Variants in NTNG2 observed in about 807,000 individuals in gnomAD.
The protein encoded by NTNG2 is netrin-G2.
A neutral mutation model predicts 47.6 loss-of-function variants in NTNG2; 15 were observed. That is an observed-to-expected ratio of 0.32 (90% CI 0.21 to 0.49). NTNG2 has a LOEUF of 0.49. NTNG2 is among the 20% of genes least tolerant of loss of function. The pLI, the probability that NTNG2 is intolerant of heterozygous loss-of-function variation, is 0.99. For synonymous variants in NTNG2, 307 were observed against 324.6 expected (o/e 0.95, Z 0.58); for missense variants, 578 against 764.6 (o/e 0.76, Z 2.88).
At chr9:132,207,683 A>G (rs571256269) in intron 3 of NTNG2, among the ~76,000 whole-genome samples, 1 of 152,292 alleles carries the variant, frequency 6.6e-6, no homozygotes, top group South Asian at 2.1e-4. Context: ...GCAGGCACCT[A>G]TGACATGCTG....
intron 2 of NTNG2, among the ~76,000 whole-genome samples, chr9:132,174,660 G>A (rs1836273321): frequency 6.6e-6 from 1 of 152,216 alleles, no homozygotes; most frequent in African/African-American, 2.4e-5. Context: ...GGTGGCTCAA[G>A]CCTGTAATCC....
At chr9:132,240,390 G>T (rs1377918376) in intron 6 of NTNG2, among the ~76,000 whole-genome samples, 3 of 152,196 alleles carry the variant, frequency 2.0e-5, no homozygotes, top group South Asian at 2.1e-4. Context: ...GAGCTGCAAG[G>T]TTTCTCAGGG....
intron 2 of NTNG2, among the ~76,000 whole-genome samples, chr9:132,188,168 G>C (rs561851096): frequency 6.6e-6 from 1 of 152,328 alleles, no homozygotes; most frequent in African/African-American, 2.4e-5. Flanking sequence ...CCCCGTGCTC[G>C]AGTCCTGGCC....
rs1045478949 is a variant in NTNG2, at chr9:132,226,425, A to G, written c.858-424A>G. Among the ~76,000 whole-genome samples, 2 of 152,314 alleles carry G rather than the reference A, an allele frequency of 1.3e-5. No individual in the cohort carries two copies. The highest frequency in any genetic ancestry group is 4.8e-5 in the African/African-American group (2 of 41,564). ...GGTGCCTTTCTACACAATGAAGTGCAGCCCATGGCCAAGTCTCTGTCTACA... is the reference window on the plus strand; with the variant it reads ...GGTGCCTTTCTACACAATGAAGTGCGGCCCATGGCCAAGTCTCTGTCTACA... On this transcript the variant is annotated intron_variant, in intron 3 of 7. Coordinates refer to ENST00000393229, the MANE Select transcript of NTNG2 (RefSeq NM_032536.4). The surrounding 1 kb of genome is among the most constrained non-coding windows in gnomAD (Gnocchi z 4.8).
At chr9:132,209,875 G>T (rs1449521451) in intron 3 of NTNG2, among the ~76,000 whole-genome samples, 1 of 150,940 alleles carries the variant, frequency 6.6e-6, no homozygotes, top group African/African-American at 2.4e-5. Flanking sequence ...CGTTGGCGTT[G>T]GGATGGGAAG....
intron 3 of NTNG2, among the ~76,000 whole-genome samples, chr9:132,219,542 C>T (rs1476573070): frequency 6.9e-6 from 1 of 144,796 alleles, no homozygotes. Context: ...CACTGTACTC[C>T]AGCCTGGGTG....
In NTNG2 at chr9:132,182,031, C is replaced by G. The variant is rs1356608007; in HGVS notation, c.213+14987C>G. Among the ~76,000 whole-genome samples the G allele has an allele frequency of 6.6e-6, 1 of 152,270 alleles. No individual in the cohort carries two copies. Among genetic ancestry groups the G allele is most frequent in the Non-Finnish European group, 1.5e-5 (1 of 68,052 alleles). ...ACTGTCCCTGTCAGCCTCTCCTCCCCCAGCACACCCCGGCAGCCCAGAGAA... is the reference window on the plus strand; with the variant it reads ...ACTGTCCCTGTCAGCCTCTCCTCCCGCAGCACACCCCGGCAGCCCAGAGAA... On this transcript the variant is annotated intron_variant, in intron 2 of 7. Coordinates refer to ENST00000393229, the MANE Select transcript of NTNG2 (RefSeq NM_032536.4). This position sits in a 1 kb window ranked among gnomAD's most constrained non-coding sequence, Gnocchi z 4.2.
chr9:132,201,550 G>A (rs1031320556), intron 3 of NTNG2, among the ~76,000 whole-genome samples: 2 of 152,124 alleles, frequency 1.3e-5, no homozygotes, highest in Admixed American at 6.5e-5. Context: ...TGTGGGACCC[G>A]AAGTTCCTGA....
At position 132,221,418 on chromosome 9, in the gene NTNG2, C is replaced by T. The variant is rs746205605; in HGVS notation, c.858-5431C>T. ...TACACAAACACCATGTCCACACACA[C>T]CGACACAGAGGCAGTACCACCCACA... On this transcript the variant is annotated intron_variant, in intron 3 of 7. Transcript: ENST00000393229. This position sits in a 1 kb window ranked among gnomAD's most constrained non-coding sequence, Gnocchi z 4.2. 2.0e-5 allele frequency among the ~76,000 whole-genome samples: 3 copies of T among 152,182 alleles called. No individual in the cohort carries two copies. The highest frequency in any genetic ancestry group is 4.4e-5 in the Non-Finnish European group (3 of 68,030).
chr9:132,173,856 TGGACAGAC>T (rs1207115464), intron 2 of NTNG2, among the ~76,000 whole-genome samples: 1 of 93,738 alleles, frequency 1.1e-5, no homozygotes, highest in Non-Finnish European at 2.1e-5. Flanking sequence ...GATGGATGGA[TGGACAGAC>T]GGACAGACAG....
rs1262331207 is a variant in NTNG2 at position 132,163,900 on chromosome 9, T to C, written c.-484+1661T>C. Among the ~76,000 whole-genome samples the C allele has an allele frequency of 1.3e-5, 2 of 152,206 alleles. No individual in the cohort carries two copies. Among genetic ancestry groups the C allele is most frequent in the Non-Finnish European group, 2.9e-5 (2 of 68,030 alleles). ...GACTCTTAAAAGAAAATAAAGCACA[T>C]TGATTCTATTTGTTTCTGGGAGCTG... is the stretch of plus-strand genomic sequence containing the variant. On this transcript the variant is annotated intron_variant, in intron 1 of 7. Coordinates refer to ENST00000393229, the MANE Select transcript of NTNG2 (RefSeq NM_032536.4). This position sits in a 1 kb window ranked among gnomAD's most constrained non-coding sequence, Gnocchi z 7.2.
Position 132,243,377 on chromosome 9 carries a change from C to T in NTNG2, c.*1266C>T, listed in dbSNP as rs868376191. 6.6e-6 allele frequency: 1 copy of T among 152,228 alleles called. No individual in the cohort carries two copies. Among genetic ancestry groups the T allele is most frequent in the Non-Finnish European group, 1.5e-5 (1 of 68,076 alleles). The allele number at this position is 152,228 out of a possible 1,614,324, so 9.4% of individuals were successfully genotyped here. A position where few individuals can be genotyped will look rare whatever the true frequency, so the allele number is the denominator to read the frequency against. On this transcript the variant is annotated 3_prime_UTR_variant, in exon 8 of 8. Coordinates refer to ENST00000393229, the MANE Select transcript of NTNG2 (RefSeq NM_032536.4). The stretch of plus-strand genomic sequence containing the variant: ...AGACGTGCCGGCCCTGTCCTCCCTA[C>T]CTTCTCAAGATTAGGAAGGGGTGCT...
chr9:132,241,931 G>A lies in NTNG2; in HGVS notation c.1413G>A (p.Gln471=). Residue 471 remains glutamine (Q), a synonymous_variant, in exon 8 of 8, where the codon CAG becomes CAA. Transcript: ENST00000393229. ...LLCQNGGTCL[Q]NQRCACPRGY... is the part of the protein sequence containing the mutation. ...GCCAGAACGGAGGCACCTGCCTGCA[G>A]AACCAGCGCTGCGCCTGCCCGCGCG... 6.4e-7 allele frequency: 1 copy of A among 1,574,098 alleles called. No homozygotes were observed. The highest frequency in any genetic ancestry group is 8.6e-7 in the Non-Finnish European group (1 of 1,167,242).
intron 3 of NTNG2, among the ~76,000 whole-genome samples, chr9:132,222,551 T>G (rs1244184753): frequency 6.6e-6 from 1 of 152,210 alleles, no homozygotes; most frequent in Non-Finnish European, 1.5e-5. Context: ...CGGTGGCTAG[T>G]GCTGCTGGCC....
chr9:132,203,719 G>T (rs564977699), intron 3 of NTNG2, among the ~76,000 whole-genome samples: 1 of 152,276 alleles, frequency 6.6e-6, no homozygotes, highest in East Asian at 1.9e-4. Context: ...GCATTCGATG[G>T]GCCCAAGGCA....
chr9:132,173,992 C>T (rs1480702053), intron 2 of NTNG2, among the ~76,000 whole-genome samples: 4 of 143,914 alleles, frequency 2.8e-5, no homozygotes, highest in South Asian at 4.5e-4. Flanking sequence ...GCAGGCAGGT[C>T]GAACCATGCT....
At chr9:132,228,307 C>T (rs994854165) in intron 4 of NTNG2, among the ~76,000 whole-genome samples, 1 of 152,234 alleles carries the variant, frequency 6.6e-6, no homozygotes, top group African/African-American at 2.4e-5. Flanking sequence ...GGTGACTTGG[C>T]AGGCACCCGA....
chr9:132,197,950 C>T lies in NTNG2; in HGVS notation c.214-16C>T. 4.4e-6 allele frequency: 7 copies of T among 1,599,874 alleles called. No individual in the cohort carries two copies. The highest frequency in any genetic ancestry group is 5.1e-6 in the Non-Finnish European group (6 of 1,172,234). On this transcript the variant is annotated splice_polypyrimidine_tract_variant and intron_variant, in intron 2 of 7. Coordinates refer to ENST00000393229, the MANE Select transcript of NTNG2 (RefSeq NM_032536.4). The surrounding 1 kb of genome is among the most constrained non-coding windows in gnomAD (Gnocchi z 4.3). ...CATCCAGCACCCACCCTTCCCTTCTCCTCTCCCCGCTGCAGGAGAATCCCT... is the reference window on the plus strand; with the variant it reads ...CATCCAGCACCCACCCTTCCCTTCTTCTCTCCCCGCTGCAGGAGAATCCCT...
In NTNG2 at chr9:132,241,006, A is replaced by G; in HGVS notation, c.1319A>G (p.Asp440Gly). 6.2e-7 allele frequency: 1 copy of G among 1,609,182 alleles called. No individual in the cohort carries two copies. The change falls in exon 7 of 8, where the codon GAC becomes GGC. Residue 440 changes from aspartate to glycine, a missense_variant. Transcript: ENST00000393229. ...REGAAGPKCD[D>G]CLPTHYWRQG... ...GGCGCGGCGGGCCCCAAGTGCGACG[A>G]CTGCCTCCCCACGCACTACTGGCGC...
Sources: allele counts gnomAD v4.1 joint callset (sites outside exome capture counted in the v4.1 genomes callset), GRCh38; gene constraint gnomAD v4.1.1; non-coding constraint Gnocchi (gnomAD v3.1); transcripts MANE v1.5; gene names NCBI Gene and HGNC (gene_info 2026-07-23, HGNC 2026-07-21).